The following NAV3 variants were observed in gnomAD, a reference collection of about 807,000 sequenced individuals.
The protein encoded by NAV3 is pore membrane and/or filament interacting like protein 1.
A neutral mutation model predicts 244.7 loss-of-function variants in NAV3; 87 were observed. That is an observed-to-expected ratio of 0.36 (90% CI 0.30 to 0.42). The LOEUF (loss-of-function observed/expected upper bound fraction) is 0.42. Among genes scored for constraint, NAV3 ranks in the 20% least tolerant of loss-of-function variants. The pLI is 1.00. For synonymous variants in NAV3, 1,126 were observed against 1,042.2 expected (o/e 1.08, Z -1.55); for missense variants, 2,663 against 2,893.3 (o/e 0.92, Z 1.83).
At chr12:77,601,017 G>A (rs1005166274) in intron 2 of NAV3, among the ~76,000 whole-genome samples, 2 of 151,912 alleles carry the variant, frequency 1.3e-5, no homozygotes, top group African/African-American at 4.8e-5. Flanking sequence ...AATCTTCCAG[G>A]ACCCTCCTGA....
intron 12 of NAV3, among the ~76,000 whole-genome samples, chr12:78,112,758 G>A (rs753285783): frequency 1.9e-4 from 29 of 151,966 alleles, no homozygotes; most frequent in Admixed American, 3.9e-4. Flanking sequence ...CCCAAATCTC[G>A]TGTTCTCACA....
intron 2 of NAV3, among the ~76,000 whole-genome samples, chr12:77,711,125 A>C (rs59499606): frequency 0.025 from 3,804 of 152,300 alleles, 88 homozygotes; most frequent in African/African-American, 0.06. Flanking sequence ...CTCAGTACAC[A>C]GCAAAATTAT....
intron 2 of NAV3, among the ~76,000 whole-genome samples, chr12:77,768,178 T>C (rs1233437877): frequency 6.6e-6 from 1 of 152,128 alleles, no homozygotes; most frequent in Non-Finnish European, 1.5e-5. Flanking sequence ...AGGAAGTACA[T>C]GCTGATTTGT....
At chr12:77,668,630 C>T (rs923859409) in intron 2 of NAV3, among the ~76,000 whole-genome samples, 1 of 152,052 alleles carries the variant, frequency 6.6e-6, no homozygotes, top group Admixed American at 6.5e-5. Context: ...AGTAAAGCCT[C>T]CAAGAAGTAT....
At chr12:77,638,184 G>C (rs1872240188) in intron 2 of NAV3, among the ~76,000 whole-genome samples, 1 of 152,084 alleles carries the variant, frequency 6.6e-6, no homozygotes. Context: ...TTAAAAACTA[G>C]AATCTTTGAA....
rs534658864 is a variant in NAV3 at position 77,855,697 on chromosome 12, C to G, written c.243+23993C>G. 2.0e-5 allele frequency among the ~76,000 whole-genome samples: 3 copies of G among 152,272 alleles called. No individual in the cohort carries two copies. In the South Asian group the frequency reaches 6.2e-4, roughly 32 times the overall value. The stretch of plus-strand genomic sequence containing the variant: ...TTCCCACTTGCTGCTCGTGGGCACT[C>G]TATATAAATAAGCATGAGCTAGTCC... On this transcript the variant is annotated intron_variant, in intron 1 of 39. Transcript: ENST00000397909.
chr12:77,795,886 A>G (rs756080159), intron 2 of NAV3, among the ~76,000 whole-genome samples: 2 of 152,170 alleles, frequency 1.3e-5, no homozygotes, highest in Non-Finnish European at 2.9e-5. Flanking sequence ...TTTTAAGCCT[A>G]CTTTGGGGAC....
chr12:77,794,376 C>T (rs183945683), intron 2 of NAV3, among the ~76,000 whole-genome samples: 1 of 152,060 alleles, frequency 6.6e-6, no homozygotes, highest in Admixed American at 6.5e-5. Flanking sequence ...TCTTCTTTTG[C>T]TTATTGCACT....
chr12:77,590,824 G>A (rs985739313), intron 2 of NAV3, among the ~76,000 whole-genome samples: 1 of 152,226 alleles, frequency 6.6e-6, no homozygotes, highest in Non-Finnish European at 1.5e-5. Flanking sequence ...ATCTGGGTAT[G>A]AGTGCAAAGA....
chr12:78,123,890 G>A (rs972604825), intron 16 of NAV3, among the ~76,000 whole-genome samples: 1 of 152,050 alleles, frequency 6.6e-6, no homozygotes, highest in South Asian at 2.1e-4. Context: ...TCTAGTTTCA[G>A]CACTTCTAAG....
intron 28 of NAV3, 24 bp from the exon 29 acceptor site, chr12:78,179,505 G>T (rs1958409208): frequency 6.2e-7 from 1 of 1,612,688 alleles, no homozygotes; most frequent in South Asian, 1.1e-5. Context: ...CCAGGCCACT[G>T]ATTCTGTTTG....
At chr12:77,950,260 G>A (rs1057407135) in intron 3 of NAV3, among the ~76,000 whole-genome samples, 1 of 151,990 alleles carries the variant, frequency 6.6e-6, no homozygotes, top group African/African-American at 2.4e-5. Context: ...GTTTTATTTT[G>A]CATTCCCACC....
intron 12 of NAV3, among the ~76,000 whole-genome samples, chr12:78,093,723 T>C (rs1007873369): frequency 1.3e-5 from 2 of 152,310 alleles, no homozygotes; most frequent in African/African-American, 4.8e-5. Context: ...ATTTACCAAG[T>C]AAAATTGTTT....
intron 2 of NAV3, among the ~76,000 whole-genome samples, chr12:77,783,887 A>T (rs1408701579): frequency 1.3e-5 from 2 of 152,112 alleles, no homozygotes; most frequent in East Asian, 3.9e-4. Flanking sequence ...TTTCTAGGAT[A>T]AAAGTTGGTG....
At chr12:78,141,166 A>G (rs970744650) in intron 20 of NAV3, among the ~76,000 whole-genome samples, 1 of 152,178 alleles carries the variant, frequency 6.6e-6, no homozygotes, top group Middle Eastern at 3.2e-3. Flanking sequence ...TGCTGGGATT[A>G]CAGGTGTAAG....
At chr12:77,951,801 C>A (rs1341749822) in intron 3 of NAV3, among the ~76,000 whole-genome samples, 7 of 152,088 alleles carry the variant, frequency 4.6e-5, no homozygotes, top group Non-Finnish European at 4.4e-5. Context: ...CCATCATTCT[C>A]AGCAAACTAT....
intron 1 of NAV3, among the ~76,000 whole-genome samples, chr12:77,838,071 C>A (rs897300025): frequency 4.3e-4 from 65 of 152,264 alleles, no homozygotes; most frequent in African/African-American, 1.3e-3. Context: ...CTCTTGGGTC[C>A]CCAGACGATT....
intron 23 of NAV3, among the ~76,000 whole-genome samples, chr12:78,160,410 T>TGTGTGTGTGTGTGCGTGC (rs1957491377): frequency 7.8e-6 from 1 of 127,840 alleles, no homozygotes; most frequent in Non-Finnish European, 1.7e-5. Flanking sequence ...CGTGCGTGTG[T>TGTGTGTGTGTGTGCGTGC]GTGTGTGTGT....
intron 9 of NAV3, among the ~76,000 whole-genome samples, chr12:78,031,943 A>T (rs1662391484): frequency 6.6e-6 from 1 of 152,052 alleles, no homozygotes; most frequent in Admixed American, 6.6e-5. Context: ...CTACACCTAA[A>T]ACTAACAAAA....
Sources: gnomAD v4.1 joint callset for allele counts (sites outside exome capture counted in the v4.1 genomes callset) on GRCh38, gnomAD v4.1.1 for gene constraint, MANE v1.5 for transcripts, NCBI Gene and HGNC (gene_info 2026-07-23, HGNC 2026-07-21) for gene names.